Variants in ICE1 observed in about 807,000 individuals in gnomAD.
ICE1 encodes interactor of little elongation complex ELL subunit 1.
A neutral mutation model predicts 192.7 loss-of-function variants in ICE1; 64 were observed. The observed-to-expected ratio is 0.33, with a 90% CI of 0.27 to 0.41. ICE1 has a LOEUF of 0.41. ICE1 is among the 10% of genes least tolerant of loss of function. ICE1 has a pLI of 1.00. For synonymous variants in ICE1, 1,010 were observed against 984.5 expected (o/e 1.03, Z -0.49); for missense variants, 2,708 against 2,696.0 (o/e 1.00, Z -0.10).
At chr5:5,468,625 G>GA (rs1312967983) in intron 14 of ICE1, among the ~76,000 whole-genome samples, 2 of 152,224 alleles carry the variant, frequency 1.3e-5, no homozygotes, top group African/African-American at 2.4e-5. Flanking sequence ...TACCAAATGG[G>GA]AGAATTCTGA....
At chr5:5,427,570 C>T (rs1737562801) in intron 1 of ICE1, among the ~76,000 whole-genome samples, 1 of 152,138 alleles carries the variant, frequency 6.6e-6, no homozygotes, top group Non-Finnish European at 1.5e-5. Flanking sequence ...GTATGGTTGT[C>T]CTTGGAACAG....
chr5:5,423,959 C>G (rs1331623230), intron 1 of ICE1, among the ~76,000 whole-genome samples: 1 of 152,042 alleles, frequency 6.6e-6, no homozygotes, highest in African/African-American at 2.4e-5. Flanking sequence ...TGTCTCTTAG[C>G]TAGAGTAGTC....
intron 17 of ICE1, among the ~76,000 whole-genome samples, chr5:5,485,668 C>T (rs1739620983): frequency 6.6e-6 from 1 of 152,038 alleles, no homozygotes; most frequent in Admixed American, 6.6e-5. Context: ...ATCCTTTTGC[C>T]CACTTATGAT....
At position 5,459,611 on chromosome 5, in the gene ICE1, G is replaced by C. The variant is rs78235956; in HGVS notation, c.1102-825G>C. Among the ~76,000 whole-genome samples, 388 of 152,246 alleles carry C rather than the reference G, an allele frequency of 2.5e-3. 1 individual carries two copies. The highest frequency in any genetic ancestry group is 9.0e-3 in the African/African-American group (375 of 41,554). The stretch of plus-strand genomic sequence containing the variant: ...GTGAGGAAAGGAGATTGAAAAGAAG[G>C]GCAGAATAGACGAAAGCCAGGAGAT... On this transcript the variant is annotated intron_variant, in intron 12 of 18. Coordinates refer to ENST00000296564, the MANE Select transcript of ICE1 (RefSeq NM_015325.3).
At chr5:5,438,962 C>T (rs1737957954) in intron 3 of ICE1, among the ~76,000 whole-genome samples, 1 of 152,188 alleles carries the variant, frequency 6.6e-6, no homozygotes, top group African/African-American at 2.4e-5. Context: ...GCCGATGTCA[C>T]AGATTTAACA....
chr5:5,433,098 A>G (rs1737770088), intron 1 of ICE1, among the ~76,000 whole-genome samples: 2 of 152,196 alleles, frequency 1.3e-5, no homozygotes, highest in East Asian at 1.9e-4. Context: ...CAGAAGGACT[A>G]CACTGTTTGG....
chr5:5,444,518 A>G (rs1243430620), intron 7 of ICE1, among the ~76,000 whole-genome samples, 192 bp downstream of exon 7: 1 of 152,234 alleles, frequency 6.6e-6, no homozygotes, highest in African/African-American at 2.4e-5. Context: ...AAATGGTAAC[A>G]TAGAGATGGA....
intron 12 of ICE1, among the ~76,000 whole-genome samples, chr5:5,458,995 C>T (rs541243989): frequency 6.6e-6 from 1 of 152,252 alleles, no homozygotes; most frequent in East Asian, 1.9e-4. Flanking sequence ...GCTTCAGCCT[C>T]CTGAGTAGCT....
At position 5,462,503 on chromosome 5, in the gene ICE1, G is replaced by A. The variant is rs181467999; in HGVS notation, c.3169G>A (p.Gly1057Ser). ...GLWKLKSTTP[G>S]GALPECFGTT... The stretch of plus-strand genomic sequence containing the variant: ...TTGGAAATTGAAATCTACAACTCCC[G>A]GTGGTGCTTTGCCTGAGTGTTTTGG... Residue 1057 changes from glycine to serine, a missense_variant, in exon 13 of 19, where the codon GGT becomes AGT. By Grantham distance (56) the Gly-to-Ser change is moderately conservative (BLOSUM62 0). Transcript: ENST00000296564. The A allele has an allele frequency of 1.1e-5, 17 of 1,613,976 alleles. No homozygotes were observed. The highest frequency in any genetic ancestry group is 5.3e-5 in the African/African-American group (4 of 75,038).
intron 7 of ICE1, among the ~76,000 whole-genome samples, chr5:5,446,156 T>A (rs1738217273): frequency 3.3e-5 from 5 of 151,854 alleles, no homozygotes. Flanking sequence ...ACTATAGGTG[T>A]GTGCTACCAC....
intron 1 of ICE1, among the ~76,000 whole-genome samples, chr5:5,436,199 T>C (rs914359825): frequency 6.6e-6 from 1 of 152,168 alleles, no homozygotes; most frequent in African/African-American, 2.4e-5. Context: ...TATTTACAAC[T>C]AACTACCTTG....
chr5:5,459,717 G>A (rs376309219), intron 12 of ICE1, among the ~76,000 whole-genome samples: 43 of 152,330 alleles, frequency 2.8e-4, no homozygotes, highest in African/African-American at 8.7e-4. Context: ...ATCTTCACCA[G>A]TCCACTGTTC....
rs1222130149 is a variant in ICE1 at position 5,462,073 on chromosome 5, A to G, written c.2739A>G (p.Gln913=). 1.2e-6 allele frequency: 2 copies of G among 1,613,958 alleles called. No individual in the cohort carries two copies. The highest frequency in any genetic ancestry group is 2.2e-5 in the South Asian group (2 of 91,084). Reference sequence around the variant, plus strand: ...ATGGGGAAAGAGATGATACAACACAAAACATCACGGAGGTGGCTGCTGTGA... The same window carrying G: ...ATGGGGAAAGAGATGATACAACACAGAACATCACGGAGGTGGCTGCTGTGA... ...KCDGERDDTT[Q]NITEVAAVKS... is the part of the protein sequence containing the mutation. Residue 913 remains glutamine, a synonymous_variant, in exon 13 of 19, where the codon CAA becomes CAG. Transcript: ENST00000296564.
In ICE1 at chr5:5,489,785, C is replaced by T. The variant is rs901597467; in HGVS notation, c.*455C>T. On this transcript the variant is annotated 3_prime_UTR_variant, in exon 19 of 19. Coordinates refer to ENST00000296564, the MANE Select transcript of ICE1 (RefSeq NM_015325.3). ...ATTGGCAAAAACCTAGAGTTTTCTG[C>T]TATCTTTGCTGGAAATGAGTTGCAA... 11 of 152,632 alleles carry T rather than the reference C, an allele frequency of 7.2e-5. No homozygotes were observed. The highest frequency in any genetic ancestry group is 2.0e-4 in the Admixed American group (3 of 15,304). The allele number at this position is 152,632 out of a possible 1,614,324, so 9.5% of individuals were successfully genotyped here. A position where few individuals can be genotyped will look rare whatever the true frequency, so the allele number is the denominator to read the frequency against.
chr5:5,462,298 G>C lies in ICE1; in HGVS notation c.2964G>C (p.Gln988His), dbSNP rs1344983535. The change falls in exon 13 of 19, where the codon CAG (glutamine) becomes CAC (histidine). Residue 988 changes from glutamine to histidine, a missense_variant. By Grantham distance (24) the Gln-to-His change is conservative. Transcript: ENST00000296564. ...QGDGQKQRQPQATDLDSSGTH... is the reference protein window; with the variant it reads ...QGDGQKQRQPHATDLDSSGTH... ...ATGGGCAGAAGCAAAGGCAGCCTCA[G>C]GCCACAGATCTGGACTCCAGTGGGA... The C allele has an allele frequency of 2.5e-6, 4 of 1,613,900 alleles. No homozygotes were observed. In the South Asian group the frequency reaches 3.3e-5, roughly 13 times the overall value.
chr5:5,473,011 C>A (rs1739207522), intron 15 of ICE1, among the ~76,000 whole-genome samples: 1 of 152,058 alleles, frequency 6.6e-6, no homozygotes, highest in Non-Finnish European at 1.5e-5. Context: ...GTAATATGTC[C>A]ATATAATTGG....
intron 11 of ICE1, among the ~76,000 whole-genome samples, chr5:5,457,009 G>A (rs900563629): frequency 1.3e-5 from 2 of 152,104 alleles, no homozygotes; most frequent in African/African-American, 4.8e-5. Context: ...TTGTATGGGA[G>A]GATTCATCCA....
At chr5:5,434,668 G>A (rs926058766) in intron 1 of ICE1, among the ~76,000 whole-genome samples, 3 of 152,174 alleles carry the variant, frequency 2.0e-5, no homozygotes, top group Non-Finnish European at 4.4e-5. Flanking sequence ...TAACCAGGAT[G>A]TAGAAAACAT....
intron 17 of ICE1, among the ~76,000 whole-genome samples, chr5:5,481,687 C>T (rs534827297): frequency 1.3e-5 from 2 of 152,322 alleles, no homozygotes; most frequent in African/African-American, 4.8e-5. Flanking sequence ...TCATTCACCA[C>T]ATAACAATGT....
Sources: allele counts gnomAD v4.1 joint callset (sites outside exome capture counted in the v4.1 genomes callset), GRCh38; gene constraint gnomAD v4.1.1; transcripts MANE v1.5; gene names NCBI Gene and HGNC (gene_info 2026-07-23, HGNC 2026-07-21).